The following HPSE2 variants were observed in gnomAD, a reference collection of about 807,000 sequenced individuals.
HPSE2 encodes the protein heparanase 2 (inactive).
A neutral mutation model predicts 60.5 loss-of-function variants in HPSE2; 38 were observed. The ratio of observed to expected loss-of-function variants is 0.63; its 90% CI spans 0.48 to 0.82. The LOEUF (loss-of-function observed/expected upper bound fraction) is 0.82, where lower values mean the gene tolerates loss of function less well. Among genes scored for constraint, HPSE2 ranks in the 40% least tolerant of loss-of-function variants. The pLI, the probability that HPSE2 is intolerant of heterozygous loss-of-function variation, is 0.00. For missense variants in HPSE2, 713 were observed against 740.4 expected, an observed-to-expected ratio of 0.96 and a Z score of 0.43; for synonymous variants, 295 against 293.2, an observed-to-expected ratio of 1.01 and a Z score of -0.06.
intron 6 of HPSE2, among the ~76,000 whole-genome samples, chr10:98,668,790 C>T (rs1411084685): frequency 2.6e-5 from 4 of 152,118 alleles, no homozygotes; most frequent in East Asian, 1.9e-4. Flanking sequence ...ATACCTCAAA[C>T]TATAAAAGTC....
chr10:99,062,379 C>A (rs1033863114), intron 3 of HPSE2, among the ~76,000 whole-genome samples: 1 of 152,192 alleles, frequency 6.6e-6, no homozygotes, highest in Non-Finnish European at 1.5e-5. Flanking sequence ...AACTAGTTCT[C>A]AGTTAGACAG....
At position 98,688,820 on chromosome 10, in the gene HPSE2, T is replaced by TA. The variant is rs534677761; in HGVS notation, c.1004+5079dup. Among the ~76,000 whole-genome samples, 393 of 151,734 alleles carry TA rather than the reference T, an allele frequency of 2.6e-3. 3 individuals are homozygous for TA. Among genetic ancestry groups the TA allele is most frequent in the South Asian group, 5.6e-3 (27 of 4,808 alleles). On this transcript the variant is annotated intron_variant, in intron 6 of 11. Transcript: ENST00000370552. ...ACACAGATCTACTGGCTTTCATTGATAAAAAAAAGTCTTTATTTAATTTTC... is the reference window on the plus strand; with the variant it reads ...ACACAGATCTACTGGCTTTCATTGATAAAAAAAAAGTCTTTATTTAATTTTC...
intron 6 of HPSE2, among the ~76,000 whole-genome samples, chr10:98,682,421 A>T (rs1947810706): frequency 6.6e-6 from 1 of 152,172 alleles, no homozygotes; most frequent in Non-Finnish European, 1.5e-5. Flanking sequence ...GAACAGCCAA[A>T]CACACAACCA....
At chr10:99,094,653 C>A (rs1348405658) in intron 3 of HPSE2, among the ~76,000 whole-genome samples, 1 of 144,190 alleles carries the variant, frequency 6.9e-6, no homozygotes, top group East Asian at 2.1e-4. Flanking sequence ...ACCTCCCAAG[C>A]TCAAGCGATT....
chr10:98,845,172 G>C (rs1346203842), intron 3 of HPSE2, among the ~76,000 whole-genome samples: 1 of 152,206 alleles, frequency 6.6e-6, no homozygotes, highest in African/African-American at 2.4e-5. Context: ...AGGAATGAGA[G>C]AGTTGGTGAA....
At chr10:98,653,549 C>T (rs1044641406) in intron 6 of HPSE2, among the ~76,000 whole-genome samples, 2 of 150,878 alleles carry the variant, frequency 1.3e-5, no homozygotes, top group African/African-American at 4.9e-5. Flanking sequence ...CCTAGAATTT[C>T]CAATATACAT....
At chr10:99,111,493 T>C (rs546569844) in intron 3 of HPSE2, among the ~76,000 whole-genome samples, 1 of 152,242 alleles carries the variant, frequency 6.6e-6, no homozygotes, top group South Asian at 2.1e-4. Context: ...TATATCCTTA[T>C]ATAAGGAGAA....
intron 11 of HPSE2, among the ~76,000 whole-genome samples, chr10:98,476,683 G>A (rs115613268): frequency 6.6e-6 from 1 of 151,982 alleles, no homozygotes; most frequent in African/African-American, 2.4e-5. Flanking sequence ...CCAACTGCTC[G>A]GGAGGTTGAG....
chr10:98,835,462 G>A (rs10748756), intron 3 of HPSE2, among the ~76,000 whole-genome samples: 131,662 of 152,146 alleles, frequency 0.87, 57,400 homozygotes, highest in African/African-American at 0.97. Context: ...AGTGATTGCT[G>A]TCATGGTTAC....
At chr10:98,857,029 C>T (rs114730320) in intron 3 of HPSE2, among the ~76,000 whole-genome samples, 1,688 of 152,260 alleles carry the variant, frequency 0.011, 24 homozygotes, top group African/African-American at 0.038. Flanking sequence ...TCAGCTGATT[C>T]TTCTCTCCAG....
the HPSE2 span, among the ~76,000 whole-genome samples, chr10:99,279,557 G>A: frequency 2.6e-5 from 4 of 152,198 alleles, no homozygotes; most frequent in East Asian, 1.9e-4. Flanking sequence ...CAGAATACCC[G>A]TGAAACTAAC....
At chr10:98,939,139 T>C (rs1454340843) in intron 3 of HPSE2, among the ~76,000 whole-genome samples, 2 of 143,398 alleles carry the variant, frequency 1.4e-5, no homozygotes, top group Non-Finnish European at 3.0e-5. Flanking sequence ...TCATGGCAAA[T>C]TGTAAAGACC....
chr10:99,164,764 C>T (rs112869152), intron 2 of HPSE2, among the ~76,000 whole-genome samples: 2,698 of 152,288 alleles, frequency 0.018, 86 homozygotes, highest in African/African-American at 0.061. Flanking sequence ...GTGGCGCATG[C>T]CTGTATTCCC....
At chr10:98,700,522 A>C (rs1251269789) in intron 5 of HPSE2, among the ~76,000 whole-genome samples, 1 of 142,798 alleles carries the variant, frequency 7.0e-6, no homozygotes, top group East Asian at 2.1e-4. Context: ...TAAACATTAG[A>C]CCTAAAACCA....
At chr10:98,873,142 T>C (rs1026362459) in intron 3 of HPSE2, among the ~76,000 whole-genome samples, 5 of 152,110 alleles carry the variant, frequency 3.3e-5, no homozygotes, top group Admixed American at 6.6e-5. Flanking sequence ...GGTATATGAA[T>C]TGATTTCACA....
chr10:99,010,614 C>G (rs1956991579), intron 3 of HPSE2, among the ~76,000 whole-genome samples: 2 of 152,160 alleles, frequency 1.3e-5, no homozygotes, highest in Admixed American at 1.3e-4. Flanking sequence ...AGTGCTTAAG[C>G]AAAACCTGGT....
chr10:98,921,581 T>C (rs1954283744), intron 3 of HPSE2, among the ~76,000 whole-genome samples: 2 of 152,222 alleles, frequency 1.3e-5, no homozygotes, highest in Non-Finnish European at 2.9e-5. Flanking sequence ...TAAATGTTCA[T>C]GGTAAATAAG....
intron 9 of HPSE2, among the ~76,000 whole-genome samples, chr10:98,504,397 A>G (rs1381019351): frequency 1.3e-5 from 2 of 151,748 alleles, no homozygotes; most frequent in East Asian, 3.9e-4. Context: ...TTTCCATTTT[A>G]TGTATATTAT....
At chr10:98,470,957 T>C (rs1266302083) in intron 11 of HPSE2, among the ~76,000 whole-genome samples, 1 of 152,228 alleles carries the variant, frequency 6.6e-6, no homozygotes, top group Non-Finnish European at 1.5e-5. Flanking sequence ...TGGTTTAAAA[T>C]GTCAAGTCGC....
Sources: gnomAD v4.1 joint callset for allele counts (sites outside exome capture counted in the v4.1 genomes callset) on GRCh38, gnomAD v4.1.1 for gene constraint, MANE v1.5 for transcripts, NCBI Gene and HGNC (gene_info 2026-07-23, HGNC 2026-07-21) for gene names.